The following GID4 variants were observed in gnomAD, a reference collection of about 807,000 sequenced individuals.
GID4 encodes glucose-induced degradation protein 4 homolog.
A neutral mutation model predicts 32.4 loss-of-function variants in GID4; 7 were observed. The observed-to-expected ratio is 0.22, with a 90% CI of 0.12 to 0.41. The LOEUF (loss-of-function observed/expected upper bound fraction) is 0.41, where lower values mean the gene tolerates loss of function less well. Among genes scored for constraint, GID4 ranks in the 10% least tolerant of loss-of-function variants. The pLI, the probability that GID4 is intolerant of heterozygous loss-of-function variation, is 1.00. For synonymous variants in GID4, 166 were observed against 170.0 expected (o/e 0.98, Z 0.18); for missense variants, 309 against 400.0 (o/e 0.77, Z 1.94).
chr17:18,066,785 A>T lies in GID4; in HGVS notation c.*1542A>T, dbSNP rs370898767. ...AAGAAGTGACTTTAATTTTATTGACATATGTACTGTATGTTACTGAGATTG... is the reference window on the plus strand; with the variant it reads ...AAGAAGTGACTTTAATTTTATTGACTTATGTACTGTATGTTACTGAGATTG... On this transcript the variant is annotated 3_prime_UTR_variant, in exon 6 of 6. Coordinates refer to ENST00000268719, the MANE Select transcript of GID4 (RefSeq NM_024052.5). The T allele has an allele frequency of 1.3e-5, 2 of 152,134 alleles. No individual in the cohort carries two copies. The highest frequency in any genetic ancestry group is 1.3e-4 in the Admixed American group (2 of 15,254). The allele number at this position is 152,134 out of a possible 1,614,324, so 9.4% of individuals were successfully genotyped here. A position where few individuals can be genotyped will look rare whatever the true frequency, so the allele number is the denominator to read the frequency against.
intron 3 of GID4, among the ~76,000 whole-genome samples, chr17:18,055,215 T>C (rs575299115): frequency 6.6e-6 from 1 of 152,214 alleles, no homozygotes; most frequent in African/African-American, 2.4e-5. Context: ...AATAGCCTTT[T>C]GCTTTAGTTG....
At chr17:18,058,050 G>A (rs914507388) in intron 3 of GID4, among the ~76,000 whole-genome samples, 10 of 152,172 alleles carry the variant, frequency 6.6e-5, no homozygotes, top group African/African-American at 2.4e-4. Flanking sequence ...AGCCAGGATG[G>A]TCTTGATCTC....
intron 3 of GID4, among the ~76,000 whole-genome samples, chr17:18,057,941 C>A (rs551922668): frequency 7.2e-5 from 11 of 152,156 alleles, no homozygotes; most frequent in Non-Finnish European, 1.3e-4. Context: ...TCACGCCATT[C>A]TCCTCCTCAG....
chr17:18,045,249 T>A, intron 2 of GID4, 43 bp downstream of exon 2: 8 of 1,502,344 alleles, frequency 5.3e-6, no homozygotes, highest in South Asian at 1.1e-5. Flanking sequence ...AAGTCTGTGG[T>A]GTGCTCCACA....
chr17:18,066,451 A>AGTGT lies in GID4; in HGVS notation c.*1239_*1242dup, dbSNP rs10648639. ...AAATAACTCGAGGCTCACGTGCCAA[A>AGTGT]GTGTGTGTGTGTGTGTGTGTGTGTG... On this transcript the variant is annotated 3_prime_UTR_variant, in exon 6 of 6. Transcript: ENST00000268719. 17,653 of 146,622 alleles carry AGTGT rather than the reference A, an allele frequency of 0.12. 1,205 individuals are homozygous for AGTGT. The highest frequency in any genetic ancestry group is 0.29 in the South Asian group (1,298 of 4,494). The allele number at this position is 146,622 out of a possible 1,614,324, so 9.1% of individuals were successfully genotyped here.
intron 2 of GID4, among the ~76,000 whole-genome samples, chr17:18,050,903 A>G (rs1212422996): frequency 6.6e-6 from 1 of 152,152 alleles, no homozygotes; most frequent in Non-Finnish European, 1.5e-5. Context: ...CGCTCTATAA[A>G]TTACCCCTCA....
Position 18,061,302 on chromosome 17 carries a change from A to G in GID4, c.709-543A>G, listed in dbSNP as rs1254939005. Reference sequence around the variant, plus strand: ...TGCCTCTCTCCTAAGGTCCCTGGTAAAGAACAGTACCGTTCTGACTGCTTT... The same window carrying G: ...TGCCTCTCTCCTAAGGTCCCTGGTAGAGAACAGTACCGTTCTGACTGCTTT... On this transcript the variant is annotated intron_variant, in intron 4 of 5. Transcript: ENST00000268719. This position sits in a 1 kb window ranked among gnomAD's most constrained non-coding sequence, Gnocchi z 4.4. Among the ~76,000 whole-genome samples the G allele has an allele frequency of 2.0e-5, 3 of 152,134 alleles. No homozygotes were observed. Among genetic ancestry groups the G allele is most frequent in the Non-Finnish European group, 4.4e-5 (3 of 68,020 alleles).
rs1188081001 is a variant in GID4, at chr17:18,055,076, CAGG to C, written c.606+845_606+847del. On this transcript the variant is annotated intron_variant, in intron 3 of 5. Transcript: ENST00000268719. ...GTCCCAGCTACTCTGGAGGCTGAGG[CAGG>C]AGAATGGCGTGAACCCAGGAGGCGG... 6.6e-5 allele frequency among the ~76,000 whole-genome samples: 10 copies of C among 150,422 alleles called. No individual in the cohort carries two copies. The East Asian group carries it at 2.0e-3, about 30-fold the overall frequency.
chr17:18,043,626 CTG>C, intron 1 of GID4, among the ~76,000 whole-genome samples: 1 of 152,358 alleles, frequency 6.6e-6, no homozygotes, highest in Non-Finnish European at 1.5e-5. Flanking sequence ...CAGCACCAAA[CTG>C]TGAAGGCACT....
intron 4 of GID4, among the ~76,000 whole-genome samples, chr17:18,060,291 G>T (rs1175803381): frequency 1.3e-5 from 2 of 149,820 alleles, no homozygotes; most frequent in Non-Finnish European, 3.0e-5. Context: ...CCAGCTACTC[G>T]GGAGGCTGAG....
At chr17:18,040,374 C>T (rs2044782898) in intron 1 of GID4, among the ~76,000 whole-genome samples, 1 of 151,910 alleles carries the variant, frequency 6.6e-6, no homozygotes, top group Non-Finnish European at 1.5e-5. Flanking sequence ...CTGCCCCTTC[C>T]TCAGTTCCAG....
At chr17:18,048,123 G>A (rs1295316781) in intron 2 of GID4, among the ~76,000 whole-genome samples, 2 of 151,546 alleles carry the variant, frequency 1.3e-5, no homozygotes, top group Non-Finnish European at 2.9e-5. Flanking sequence ...GGATGGTCTC[G>A]ATCTCCTGAC....
At chr17:18,049,688 G>C (rs4925136) in intron 2 of GID4, among the ~76,000 whole-genome samples, 84,658 of 151,462 alleles carry the variant, frequency 0.56, 25,118 homozygotes, top group Non-Finnish European at 0.68. Context: ...GCCCAGGCTT[G>C]AGTGCAGTGG....
At chr17:18,064,610 C>T (rs2045044475) in intron 5 of GID4, among the ~76,000 whole-genome samples, 1 of 152,164 alleles carries the variant, frequency 6.6e-6, no homozygotes, top group Non-Finnish European at 1.5e-5. Context: ...CTCCCTGGAT[C>T]ACCTGCCAAC....
intron 3 of GID4, chr17:18,056,974 T>C (rs1344217388): frequency 6.4e-7 from 1 of 1,550,612 alleles, no homozygotes; most frequent in Admixed American, 2.0e-5. Flanking sequence ...TGTCTGAGAT[T>C]TACAATGTCT....
chr17:18,040,327 C>T lies in GID4; in HGVS notation c.438+425C>T, dbSNP rs879286030. On this transcript the variant is annotated intron_variant, in intron 1 of 5. Transcript: ENST00000268719. The stretch of plus-strand genomic sequence containing the variant: ...ACTTGGGACCCTCCCCATGTCTGGG[C>T]CCACGTCAGATTCTCTCAGACCTGA... Among the ~76,000 whole-genome samples the T allele has an allele frequency of 2.6e-5, 4 of 152,224 alleles. No homozygotes were observed. The East Asian group carries it at 7.7e-4, about 29-fold the overall frequency.
intron 3 of GID4, chr17:18,056,879 C>G: frequency 6.4e-7 from 1 of 1,550,544 alleles, no homozygotes; most frequent in Non-Finnish European, 8.7e-7. Context: ...TTGTAGTACT[C>G]AGCATTTCCC....
rs553766703 is a variant in GID4 at position 18,039,495 on chromosome 17, A to G, written c.31A>G (p.Thr11Ala). 8.0e-5 allele frequency: 106 copies of G among 1,331,372 alleles called. No homozygotes were observed. Among genetic ancestry groups the G allele is most frequent in the South Asian group, 7.1e-4 (33 of 46,760 alleles). 82.5% of individuals were successfully genotyped at this position (1,331,372 alleles called of 1,614,324 possible). A position where few individuals can be genotyped will look rare whatever the true frequency, so the allele number is the denominator to read the frequency against. MCARGQVGRGTQLRTGRPCSQ... is the reference protein window; with the variant it reads MCARGQVGRGAQLRTGRPCSQ... The stretch of plus-strand genomic sequence containing the variant: ...TGCGCGAGGGCAAGTCGGGAGGGGG[A>G]CCCAGCTCAGGACTGGGAGGCCCTG... Residue 11 changes from threonine to alanine, a missense_variant, in exon 1 of 6, where the codon ACC becomes GCC. Thr to Ala is a moderately conservative substitution (Grantham distance 58). Around this residue, in one of 2 missense-constraint regions of GID4, gnomAD observed 193 missense variants for 185.8 expected, o/e 1.04. Transcript: ENST00000268719. This position sits in a 1 kb window ranked among gnomAD's most constrained non-coding sequence, Gnocchi z 5.3.
In GID4 at chr17:18,039,857, C is replaced by T; in HGVS notation, c.393C>T (p.His131=). ...ACAGCGGCTCCAAGTTCCGCGGCCA[C>T]CAGAAGAGCAAGGGGAACTCGTACG... ...LLYSGSKFRG[H]QKSKGNSYDV... The change falls in exon 1 of 6, where the codon CAC becomes CAT. Residue 131 remains histidine, a synonymous_variant. Transcript: ENST00000268719. The surrounding 1 kb of genome is among the most constrained non-coding windows in gnomAD (Gnocchi z 5.3). 6.5e-7 allele frequency: 1 copy of T among 1,546,174 alleles called. No individual in the cohort carries two copies. The highest frequency in any genetic ancestry group is 1.2e-5 in the South Asian group (1 of 83,932).
Sources: allele counts gnomAD v4.1 joint callset (sites outside exome capture counted in the v4.1 genomes callset), GRCh38; gene constraint gnomAD v4.1.1; regional missense constraint gnomAD v4.1.1; non-coding constraint Gnocchi (gnomAD v3.1); transcripts MANE v1.5; gene names NCBI Gene and HGNC (gene_info 2026-07-23, HGNC 2026-07-21).